The following SCAMP3 variants were observed in gnomAD, a reference collection of about 807,000 sequenced individuals.
SCAMP3 encodes secretory carrier membrane protein 3, also known as secretory carrier-associated membrane protein 3.
A neutral mutation model predicts 44.1 loss-of-function variants in SCAMP3; 30 were observed. The ratio of observed to expected loss-of-function variants is 0.68; its 90% CI spans 0.51 to 0.92. The LOEUF (loss-of-function observed/expected upper bound fraction) is 0.92, where lower values mean the gene tolerates loss of function less well. Ranked by LOEUF, SCAMP3 falls within the 40% of genes least tolerant of loss-of-function variation. The pLI is 0.00. For synonymous variants in SCAMP3, 168 were observed against 171.1 expected, an observed-to-expected ratio of 0.98 and a Z score of 0.14; for missense variants, 394 against 440.0, an observed-to-expected ratio of 0.90 and a Z score of 0.93.
Position 155,256,281 on chromosome 1 carries a change from C to A in SCAMP3, c.1036G>T (p.Ala346Ser), listed in dbSNP as rs779849544. 1.3e-6 allele frequency: 2 copies of A among 1,576,252 alleles called. No individual in the cohort carries two copies. The highest frequency in any genetic ancestry group is 1.8e-5 in the Admixed American group (1 of 55,404). The change falls in exon 9 of 9, where the codon GCC becomes TCC. Residue 346 changes from alanine (A) to serine (S), a missense_variant. Coordinates refer to ENST00000302631, the MANE Select transcript of SCAMP3 (RefSeq NM_005698.4). ...AAGAAENAFRAP is the reference protein window; with the variant it reads ...AAGAAENAFRSP ...GGCATCCCAGTCAGGGGTCACGGGG[C>A]CCGGAAGGCATTTTCAGCAGCCCCA...
chr1:155,261,903 A>T (rs1406507236), intron 1 of SCAMP3, 169 bp from the exon 2 acceptor site: 9 of 800,812 alleles, frequency 1.1e-5, no homozygotes, highest in Non-Finnish European at 1.8e-5. Context: ...CACTGCCAGC[A>T]CCAGCCCATT....
chr1:155,258,661 A>G, intron 5 of SCAMP3, 165 bp downstream of exon 5: 1 of 656,920 alleles, frequency 1.5e-6, no homozygotes, highest in Non-Finnish European at 2.6e-6. Flanking sequence ...AATTCAAAAT[A>G]TATTCCTGCA....
chr1:155,260,744 C>T, intron 2 of SCAMP3, 85 bp from the exon 3 acceptor site: 1 of 1,237,300 alleles, frequency 8.1e-7, no homozygotes, highest in Non-Finnish European at 1.1e-6. Context: ...AGACCCAGAA[C>T]TCATGATGTA....
Position 155,257,628 on chromosome 1 carries a change from G to C in SCAMP3, c.547C>G (p.Leu183Val). The C allele has an allele frequency of 4.5e-6, 7 of 1,568,676 alleles. No individual in the cohort carries two copies. Among genetic ancestry groups the C allele is most frequent in the Non-Finnish European group, 6.1e-6 (7 of 1,155,514 alleles). Residue 183 changes from leucine (L) to valine (V), a missense_variant, in exon 6 of 9, where the codon CTC becomes GTC. Physicochemically the swap from Leu to Val is conservative, Grantham distance 32. Coordinates refer to ENST00000302631, the MANE Select transcript of SCAMP3 (RefSeq NM_005698.4). Reference protein sequence around the residue: ...CSTLALLLNFLACLASFCVET... With the variant: ...CSTLALLLNFVACLASFCVET... ...ACACAGAAGCTGGCCAGGCAGGCGA[G>C]GAAGTTCAGGAGAAGAGCCAGCGTG...
chr1:155,261,525 C>G, intron 2 of SCAMP3, 132 bp downstream of exon 2: 1 of 834,246 alleles, frequency 1.2e-6, no homozygotes, highest in Non-Finnish European at 2.0e-6. Context: ...GCTGACTAGC[C>G]TCTCTCAGGG....
chr1:155,256,449 C>T (rs2148116433), intron 8 of SCAMP3, 30 bp from the exon 9 acceptor site: 1 of 1,554,656 alleles, frequency 6.4e-7, no homozygotes, highest in Admixed American at 1.8e-5. Context: ...ACATTACCGC[C>T]CATTCCAGCC....
At chr1:155,256,918 GCAC>G in intron 7 of SCAMP3, 127 bp from the exon 8 acceptor site, 1 of 697,538 alleles carries the variant, frequency 1.4e-6, no homozygotes, top group Non-Finnish European at 2.5e-6. Context: ...AGCATTCCAA[GCAC>G]CACAATCCCA....
chr1:155,261,118 G>A (rs1424323029), intron 2 of SCAMP3: 1 of 174,698 alleles, frequency 5.7e-6, no homozygotes, highest in African/African-American at 2.4e-5. Flanking sequence ...TCAAGAGATG[G>A]GGGTCTCGCT....
chr1:155,258,212 G>A (rs1167534608), intron 5 of SCAMP3, among the ~76,000 whole-genome samples: 24 of 151,554 alleles, frequency 1.6e-4, no homozygotes, highest in Non-Finnish European at 5.9e-5. Context: ...GTAGAGACGG[G>A]GTTTCACCGT....
rs568798961 is a variant in SCAMP3, at chr1:155,260,330, T to C, written c.388A>G (p.Thr130Ala). Residue 130 changes from threonine (T) to alanine (A), a missense_variant and splice_region_variant, in exon 4 of 9, where the codon ACT (threonine) becomes GCT (alanine). Transcript: ENST00000302631. ...LQHAALGGTA[T>A]RQNNWPPLPS... is the part of the protein sequence containing the mutation. ...TGCTCTTCCCCACTCTATTACTTAC[T>C]AGCTGTGCCCCCCAGGGCAGCATGC... is the stretch of plus-strand genomic sequence containing the variant. 126 of 1,611,056 alleles carry C rather than the reference T, an allele frequency of 7.8e-5. No individual in the cohort carries two copies. In the South Asian group the frequency reaches 9.9e-4, roughly 13 times the overall value.
At chr1:155,257,851 A>T (rs957842773) in intron 5 of SCAMP3, among the ~76,000 whole-genome samples, 194 bp from the exon 6 acceptor site, 5 of 149,648 alleles carry the variant, frequency 3.3e-5, no homozygotes, top group African/African-American at 1.2e-4. Flanking sequence ...TTGCAAAGAC[A>T]TTTTTTTTTT....
intron 4 of SCAMP3, among the ~76,000 whole-genome samples, chr1:155,259,469 C>T (rs1465088237): frequency 1.3e-5 from 2 of 152,180 alleles, no homozygotes; most frequent in Middle Eastern, 3.2e-3. Flanking sequence ...GGCGCCTGGC[C>T]GTCCACCTCA....
At chr1:155,256,862 CCT>C (rs1039975268) in intron 7 of SCAMP3, 71 bp from the exon 8 acceptor site, 20 of 1,215,678 alleles carry the variant, frequency 1.6e-5, no homozygotes, top group African/African-American at 1.2e-4. Context: ...ACCAGCATCC[CCT>C]GTTCCTACCC....
chr1:155,258,394 T>G (rs1672865556), intron 5 of SCAMP3, among the ~76,000 whole-genome samples: 1 of 138,348 alleles, frequency 7.2e-6, no homozygotes, highest in Non-Finnish European at 1.5e-5. Flanking sequence ...TGGAGTGCAA[T>G]GGCATGATCT....
Position 155,262,296 on chromosome 1 carries a change from C to T in SCAMP3, c.-145G>A. On this transcript the variant is annotated 5_prime_UTR_variant, in exon 1 of 9. Transcript: ENST00000302631. ...GGATTGGTTCCACCGACCGGAAGGGCCACAAGGATCCCCGCAGCAGCCGTG... is the reference window on the plus strand; with the variant it reads ...GGATTGGTTCCACCGACCGGAAGGGTCACAAGGATCCCCGCAGCAGCCGTG... The T allele has an allele frequency of 1.4e-6, 1 of 701,134 alleles. No individual in the cohort carries two copies. Among genetic ancestry groups the T allele is most frequent in the Non-Finnish European group, 2.3e-6 (1 of 429,564 alleles). The allele number at this position is 701,134 out of a possible 1,614,324, so 43.4% of individuals were successfully genotyped here.
chr1:155,259,021 C>G (rs1672884404), intron 4 of SCAMP3, 67 bp from the exon 5 acceptor site: 10 of 1,445,422 alleles, frequency 6.9e-6, no homozygotes, highest in Non-Finnish European at 9.4e-6. Flanking sequence ...AATCACTCCC[C>G]CTTCTCTCCA....
Position 155,260,629 on chromosome 1 carries a change from C to T in SCAMP3, c.175G>A (p.Ala59Thr), listed in dbSNP as rs746997903. 6.2e-7 allele frequency: 1 copy of T among 1,613,430 alleles called. No homozygotes were observed. The highest frequency in any genetic ancestry group is 1.1e-5 in the South Asian group (1 of 90,960). The change falls in exon 3 of 9, where the codon GCC becomes ACC. Residue 59 changes from alanine (A) to threonine (T), a missense_variant. By Grantham distance (58) the Ala-to-Thr change is moderately conservative (BLOSUM62 0). Coordinates refer to ENST00000302631, the MANE Select transcript of SCAMP3 (RefSeq NM_005698.4). The stretch of plus-strand genomic sequence containing the variant: ...GGAGCTGAGGGTGGAGGCAATGGGG[C>T]AGGGGCTGGAGGCTCATAGGCTGGT... ...PPPAYEPPAP[A>T]PLPPPSAPSL...
At position 155,258,840 on chromosome 1, in the gene SCAMP3, T is replaced by C; in HGVS notation, c.503A>G (p.Tyr168Cys). ...TCACTACTCACACATCCAGAGGTAG[T>C]ACATGGTGGATACAGTCTTCTGAAA... ...QEFQKTVSTMYYLWMCSTLAL... is the reference protein window; with the variant it reads ...QEFQKTVSTMCYLWMCSTLAL... The change falls in exon 5 of 9, where the codon TAC becomes TGC. Residue 168 changes from tyrosine (Y) to cysteine (C), a missense_variant. Transcript: ENST00000302631. 6.2e-7 allele frequency: 1 copy of C among 1,612,176 alleles called. No individual in the cohort carries two copies. Among genetic ancestry groups the C allele is most frequent in the Non-Finnish European group, 8.5e-7 (1 of 1,179,266 alleles).
chr1:155,262,158 A>C lies in SCAMP3; in HGVS notation c.-7T>G, dbSNP rs1359125424. On this transcript the variant is annotated 5_prime_UTR_variant, in exon 1 of 9. Transcript: ENST00000302631. Reference sequence around the variant, plus strand: ...CGTCTCTGCTCTGAGCCATGTTTGCAACTGCGGCCTCCGCGGCCCTCTGCC... The same window carrying C: ...CGTCTCTGCTCTGAGCCATGTTTGCCACTGCGGCCTCCGCGGCCCTCTGCC... 1 of 1,612,968 alleles carries C rather than the reference A, an allele frequency of 6.2e-7. No individual in the cohort carries two copies. The highest frequency in any genetic ancestry group is 8.5e-7 in the Non-Finnish European group (1 of 1,179,806).
Sources: gnomAD v4.1 joint callset for allele counts (sites outside exome capture counted in the v4.1 genomes callset) on GRCh38, gnomAD v4.1.1 for gene constraint, MANE v1.5 for transcripts, NCBI Gene and HGNC (gene_info 2026-07-23, HGNC 2026-07-21) for gene names.